Variants in RBFOX1 observed in about 807,000 individuals in gnomAD.
The protein encoded by RBFOX1 is RNA binding fox-1 homolog 1, also known as RNA binding protein fox-1 homolog 1.
In RBFOX1, 8 loss-of-function variants were observed where a neutral mutation model predicts 57.7. The ratio of observed to expected loss-of-function variants is 0.14; its 90% CI spans 0.08 to 0.25. The LOEUF (loss-of-function observed/expected upper bound fraction) is 0.25, where lower values mean the gene tolerates loss of function less well. RBFOX1 is among the 10% of genes least tolerant of loss of function. The pLI is 1.00. For missense variants in RBFOX1, 611 were observed against 548.5 expected (o/e 1.11, Z -1.14); for synonymous variants, 326 against 222.4 (o/e 1.47, Z -4.15).
At chr16:6,034,726 C>A (rs2095342179) in intron 1 of RBFOX1, among the ~76,000 whole-genome samples, 1 of 152,164 alleles carries the variant, frequency 6.6e-6, no homozygotes, top group Non-Finnish European at 1.5e-5. Flanking sequence ...TTTTTGCTAA[C>A]ACTTTCCATC....
chr16:7,195,854 G>C (rs565744106), intron 4 of RBFOX1, among the ~76,000 whole-genome samples: 3 of 152,010 alleles, frequency 2.0e-5, no homozygotes, highest in Non-Finnish European at 4.4e-5. Context: ...TGCCCAGCTC[G>C]ATGCTCATAA....
intron 2 of RBFOX1, among the ~76,000 whole-genome samples, chr16:5,560,461 C>A (rs575234176): frequency 6.6e-5 from 10 of 152,162 alleles, no homozygotes; most frequent in African/African-American, 2.4e-4. Context: ...CACTGCACTG[C>A]AATCATCCAT....
At chr16:5,931,652 G>T (rs1045074836) in intron 4 of RBFOX1, among the ~76,000 whole-genome samples, 1 of 152,126 alleles carries the variant, frequency 6.6e-6, no homozygotes, top group Non-Finnish European at 1.5e-5. Flanking sequence ...AACAGGTCAG[G>T]CTGAAGGAGA....
chr16:5,852,114 C>T (rs1011446876), intron 3 of RBFOX1, among the ~76,000 whole-genome samples: 2 of 152,112 alleles, frequency 1.3e-5, no homozygotes, highest in African/African-American at 4.8e-5. Flanking sequence ...CAGAATGATC[C>T]TTAGTAAAAG....
chr16:7,654,840 T>C (rs1391222749), intron 12 of RBFOX1, among the ~76,000 whole-genome samples: 3 of 152,164 alleles, frequency 2.0e-5, no homozygotes, highest in Non-Finnish European at 4.4e-5. Flanking sequence ...GGAGAGATGC[T>C]ATGTCCTCTA....
At chr16:5,783,367 G>C (rs546032000) in intron 3 of RBFOX1, among the ~76,000 whole-genome samples, 11 of 152,094 alleles carry the variant, frequency 7.2e-5, no homozygotes, top group African/African-American at 2.4e-4. Context: ...TTTGATTTCT[G>C]TTTCTACAGA....
At chr16:7,589,899 GCT>G (rs2094344167) in intron 7 of RBFOX1, among the ~76,000 whole-genome samples, 1 of 136,236 alleles carries the variant, frequency 7.3e-6, no homozygotes. Context: ...AATGCTGAAG[GCT>G]GTGTGTGCTG....
At chr16:6,143,138 G>A (rs761490450) in intron 1 of RBFOX1, among the ~76,000 whole-genome samples, 3 of 152,154 alleles carry the variant, frequency 2.0e-5, no homozygotes, top group Admixed American at 6.5e-5. Flanking sequence ...GCCACACTTT[G>A]TCCAAAGATT....
At chr16:7,081,093 G>T (rs146321565) in intron 4 of RBFOX1, among the ~76,000 whole-genome samples, 1 of 152,136 alleles carries the variant, frequency 6.6e-6, no homozygotes, top group East Asian at 1.9e-4. Flanking sequence ...GGAGTGCAGT[G>T]GCACGATGTT....
intron 3 of RBFOX1, among the ~76,000 whole-genome samples, chr16:6,756,040 A>T (rs1024991790): frequency 6.6e-6 from 1 of 152,184 alleles, no homozygotes; most frequent in Non-Finnish European, 1.5e-5. Flanking sequence ...ACAGTACACA[A>T]TGAGGTGCCT....
chr16:6,362,976 C>T (rs970228163), intron 2 of RBFOX1, among the ~76,000 whole-genome samples: 1 of 152,184 alleles, frequency 6.6e-6, no homozygotes, highest in African/African-American at 2.4e-5. Flanking sequence ...CACCTGGGAA[C>T]CACCTCCCTT....
At chr16:6,615,864 G>A (rs1345111075) in intron 2 of RBFOX1, among the ~76,000 whole-genome samples, 1 of 152,104 alleles carries the variant, frequency 6.6e-6, no homozygotes, top group Non-Finnish European at 1.5e-5. Context: ...GTGGAACTGC[G>A]TTTCCTTGCT....
intron 3 of RBFOX1, among the ~76,000 whole-genome samples, chr16:6,838,739 G>T (rs2093284096): frequency 6.6e-6 from 1 of 152,106 alleles, no homozygotes; most frequent in African/African-American, 2.4e-5. Context: ...TAATACATTT[G>T]CTTAGCATCC....
intron 4 of RBFOX1, among the ~76,000 whole-genome samples, chr16:7,402,276 T>G (rs2098257712): frequency 6.6e-6 from 1 of 152,194 alleles, no homozygotes; most frequent in African/African-American, 2.4e-5. Flanking sequence ...CCGGACGTTG[T>G]TAACTGCCCT....
chr16:6,805,855 T>C (rs1157388417), intron 3 of RBFOX1, among the ~76,000 whole-genome samples: 1 of 152,180 alleles, frequency 6.6e-6, no homozygotes, highest in Non-Finnish European at 1.5e-5. Flanking sequence ...CTCCTTACAG[T>C]CACACTTGGC....
intron 3 of RBFOX1, among the ~76,000 whole-genome samples, chr16:6,867,942 C>G (rs1256936384): frequency 6.6e-6 from 1 of 152,120 alleles, no homozygotes; most frequent in Non-Finnish European, 1.5e-5. Context: ...GCGTCCAGAA[C>G]TATGGCTCAG....
At chr16:5,851,359 G>C (rs149239770) in intron 3 of RBFOX1, among the ~76,000 whole-genome samples, 1 of 152,080 alleles carries the variant, frequency 6.6e-6, no homozygotes, top group African/African-American at 2.4e-5. Flanking sequence ...TCATTTCACC[G>C]TCATCTTGCA....
chr16:5,866,805 A>G (rs939489493), intron 3 of RBFOX1, among the ~76,000 whole-genome samples: 14 of 152,226 alleles, frequency 9.2e-5, no homozygotes, highest in African/African-American at 3.1e-4. Context: ...ACAACTTGGC[A>G]CCATTCCTGG....
At chr16:5,972,172 T>C (rs2059974286) in intron 4 of RBFOX1, among the ~76,000 whole-genome samples, 1 of 152,162 alleles carries the variant, frequency 6.6e-6, no homozygotes, top group Non-Finnish European at 1.5e-5. Context: ...TGTGAGCCAA[T>C]TCCTTATGAT....
Sources: gnomAD v4.1 joint callset for allele counts (sites outside exome capture counted in the v4.1 genomes callset) on GRCh38, gnomAD v4.1.1 for gene constraint, MANE v1.5 for transcripts, NCBI Gene and HGNC (gene_info 2026-07-23, HGNC 2026-07-21) for gene names.